The following PLXNA4 variants were observed in gnomAD, a reference collection of about 807,000 sequenced individuals.
The protein encoded by PLXNA4 is plexin-A4.
In PLXNA4, 44 loss-of-function variants were observed where a neutral mutation model predicts 191.8. The observed-to-expected ratio is 0.23, with a 90% CI of 0.18 to 0.29. The LOEUF (loss-of-function observed/expected upper bound fraction) is 0.29, where lower values mean the gene tolerates loss of function less well. PLXNA4 is among the 10% of genes least tolerant of loss of function. PLXNA4 has a pLI of 1.00. For missense variants in PLXNA4, 1,800 were observed against 2,488.8 expected, an observed-to-expected ratio of 0.72 and a Z score of 5.89; for synonymous variants, 1,082 against 1,009.5, an observed-to-expected ratio of 1.07 and a Z score of -1.36.
At position 132,619,414 on chromosome 7, in the gene PLXNA4, C is replaced by A. The variant is rs117623805; in HGVS notation, c.-87+26514G>T. On this transcript the variant is annotated intron_variant, in intron 2 of 4. Coordinates refer to the PLXNA4 transcript ENST00000378539. Reference sequence around the variant, plus strand: ...CATAAAAAGTGATTTCAGAATTTTTCTGTTAATACTTATTTGCTACTGTTT... The same window carrying A: ...CATAAAAAGTGATTTCAGAATTTTTATGTTAATACTTATTTGCTACTGTTT... Among the ~76,000 whole-genome samples, 1,140 of 152,300 alleles carry A rather than the reference C, an allele frequency of 7.5e-3. 3 individuals are homozygous for A. The highest frequency in any genetic ancestry group is 0.012 in the Non-Finnish European group (787 of 68,024).
intron 3 of PLXNA4, among the ~76,000 whole-genome samples, chr7:132,323,087 G>A (rs576959547): frequency 7.0e-4 from 106 of 152,320 alleles, no homozygotes; most frequent in Non-Finnish European, 1.0e-3. Flanking sequence ...GAAAAGATCC[G>A]TTGGGGGAGA....
At chr7:132,488,717 C>A (rs1208188742) in intron 3 of PLXNA4, among the ~76,000 whole-genome samples, 1 of 152,192 alleles carries the variant, frequency 6.6e-6, no homozygotes, top group Non-Finnish European at 1.5e-5. Flanking sequence ...CCGGAAGATG[C>A]AGGGGAAAGG....
intron 1 of PLXNA4, among the ~76,000 whole-genome samples, chr7:132,558,814 T>C (rs185069403): frequency 7.2e-4 from 110 of 152,350 alleles, no homozygotes; most frequent in Non-Finnish European, 2.5e-4. Flanking sequence ...TGAGGACATC[T>C]GATACCCCAG....
At chr7:132,618,686 G>A (rs899729242) in intron 2 of PLXNA4, among the ~76,000 whole-genome samples, 2 of 152,192 alleles carry the variant, frequency 1.3e-5, no homozygotes, top group South Asian at 4.1e-4. Flanking sequence ...CAGAAAAGTA[G>A]CAGAAGGTTT....
chr7:132,322,088 A>G (rs1375477012), intron 3 of PLXNA4, among the ~76,000 whole-genome samples: 3 of 152,132 alleles, frequency 2.0e-5, no homozygotes, highest in Non-Finnish European at 4.4e-5. Context: ...AGAAATCTGG[A>G]AATCTTTGCA....
intron 1 of PLXNA4, among the ~76,000 whole-genome samples, chr7:132,517,373 G>A (rs1798983072): frequency 1.3e-5 from 2 of 152,184 alleles, no homozygotes. Context: ...CACCCAGCTG[G>A]ATAAAGAGGA....
intron 4 of PLXNA4, among the ~76,000 whole-genome samples, chr7:132,248,048 G>T (rs551407313): frequency 4.6e-5 from 7 of 152,298 alleles, no homozygotes; most frequent in Admixed American, 1.3e-4. Context: ...CCCACTTCTT[G>T]GCTTTGGGCA....
At chr7:132,605,127 G>A (rs1471694254) in intron 2 of PLXNA4, among the ~76,000 whole-genome samples, 2 of 152,188 alleles carry the variant, frequency 1.3e-5, no homozygotes, top group African/African-American at 4.8e-5. Context: ...TACGAGATTG[G>A]CACTGTTCTT....
chr7:132,175,207 G>T (rs982642234), intron 20 of PLXNA4, among the ~76,000 whole-genome samples: 1 of 152,160 alleles, frequency 6.6e-6, no homozygotes, highest in Non-Finnish European at 1.5e-5. Context: ...GATCTGTGCT[G>T]CTGCTTGGCC....
At chr7:132,314,408 C>G (rs1801862881) in intron 3 of PLXNA4, among the ~76,000 whole-genome samples, 1 of 152,184 alleles carries the variant, frequency 6.6e-6, no homozygotes. Flanking sequence ...GCCCCTTCTC[C>G]CCACAGACCT....
At chr7:132,562,372 C>G (rs1469613233) in intron 1 of PLXNA4, among the ~76,000 whole-genome samples, 1 of 127,458 alleles carries the variant, frequency 7.8e-6, no homozygotes, top group Non-Finnish European at 1.6e-5. Context: ...CCTCTGCCTC[C>G]TCCTCCTTCT....
At chr7:132,226,060 C>T in intron 8 of PLXNA4, 101 bp downstream of exon 8, 1 of 1,114,622 alleles carries the variant, frequency 9.0e-7, no homozygotes, top group Non-Finnish European at 1.3e-6. Context: ...TCCTCTGGGG[C>T]TTCTAAATGG....
At chr7:132,634,444 C>T (rs1224627316) in intron 2 of PLXNA4, among the ~76,000 whole-genome samples, 1 of 151,502 alleles carries the variant, frequency 6.6e-6, no homozygotes, top group Non-Finnish European at 1.5e-5. Flanking sequence ...CACACATACA[C>T]ACAGGAACAC....
At chr7:132,212,367 T>C (rs567747967) in intron 9 of PLXNA4, among the ~76,000 whole-genome samples, 76 of 152,198 alleles carry the variant, frequency 5.0e-4, no homozygotes, top group Non-Finnish European at 8.2e-4. Flanking sequence ...CAGCTGTCCC[T>C]CCCAGGTCCC....
chr7:132,489,865 C>T (rs1797715171), intron 2 of PLXNA4, among the ~76,000 whole-genome samples: 1 of 152,244 alleles, frequency 6.6e-6, no homozygotes, highest in East Asian at 1.9e-4. Context: ...GGCCGCTCTG[C>T]TCAGGCACAA....
intron 3 of PLXNA4, among the ~76,000 whole-genome samples, chr7:132,305,055 G>T (rs2116543076): frequency 6.6e-6 from 1 of 152,310 alleles, no homozygotes; most frequent in Non-Finnish European, 1.5e-5. Flanking sequence ...CCTGCTCGTG[G>T]GAGGGGACCA....
At chr7:132,185,106 T>A (rs1411409690) in intron 16 of PLXNA4, among the ~76,000 whole-genome samples, 193 bp downstream of exon 16, 11 of 152,276 alleles carry the variant, frequency 7.2e-5, no homozygotes, top group Middle Eastern at 3.4e-3. Flanking sequence ...CAGGCTGGGT[T>A]TGGCACAGAG....
chr7:132,330,461 G>A (rs73434863), intron 3 of PLXNA4, among the ~76,000 whole-genome samples: 3,054 of 152,302 alleles, frequency 0.02, 96 homozygotes, highest in African/African-American at 0.061. Context: ...GAGAAAGGGC[G>A]GAAAAGGTCC....
At chr7:132,570,977 T>C (rs979814132) in intron 1 of PLXNA4, among the ~76,000 whole-genome samples, 6 of 152,146 alleles carry the variant, frequency 3.9e-5, no homozygotes, top group Non-Finnish European at 8.8e-5. Flanking sequence ...GGGGAGGTGA[T>C]GAAATTCCAC....
Sources: gnomAD v4.1 joint callset for allele counts (sites outside exome capture counted in the v4.1 genomes callset) on GRCh38, gnomAD v4.1.1 for gene constraint, MANE v1.5 for transcripts, NCBI Gene and HGNC (gene_info 2026-07-23, HGNC 2026-07-21) for gene names.